Variants in LIN28B observed in about 807,000 individuals in gnomAD.
LIN28B encodes lin-28 RNA binding posttranscriptional regulator B, also known as protein lin-28 homolog B.
Under a neutral mutation model 21.9 loss-of-function variants are expected in LIN28B, and 5 were observed. That is an observed-to-expected ratio of 0.23 (90% CI 0.12 to 0.48). LIN28B has a LOEUF of 0.48. LIN28B is among the 20% of genes least tolerant of loss of function. LIN28B has a pLI of 0.98. For synonymous variants in LIN28B, 109 were observed against 111.3 expected (o/e 0.98, Z 0.13); for missense variants, 245 against 310.5 (o/e 0.79, Z 1.58).
At chr6:105,009,936 T>G (rs955607506) in intron 2 of LIN28B, among the ~76,000 whole-genome samples, 1 of 152,192 alleles carries the variant, frequency 6.6e-6, no homozygotes, top group Non-Finnish European at 1.5e-5. Flanking sequence ...CATATTCATA[T>G]TCATTTCCTC....
intron 2 of LIN28B, among the ~76,000 whole-genome samples, chr6:104,966,643 A>G (rs1254224738): frequency 1.0e-4 from 14 of 134,150 alleles, no homozygotes; most frequent in African/African-American, 2.6e-4. Context: ...TTTTTTTGAG[A>G]CAGAGTCTCG....
rs56179020 is a variant in LIN28B at position 105,017,072 on chromosome 6, C to CA, written c.199-9205dup. 4.0e-3 allele frequency among the ~76,000 whole-genome samples: 341 copies of CA among 85,896 alleles called. 2 individuals are homozygous for CA. The highest frequency in any genetic ancestry group is 6.1e-3 in the African/African-American group (136 of 22,124). The allele number at this position is 85,896 out of a possible 152,430, so 56.4% of individuals were successfully genotyped here. A position where few individuals can be genotyped will look rare whatever the true frequency, so the allele number is the denominator to read the frequency against. On this transcript the variant is annotated intron_variant, in intron 2 of 3. Transcript: ENST00000345080. Reference sequence around the variant, plus strand: ...TGAGTGACAAAGCAAGACTCTGTCTCAAAAAAAAAAAAAAAAAAAAAGAAA... The same window carrying CA: ...TGAGTGACAAAGCAAGACTCTGTCTCAAAAAAAAAAAAAAAAAAAAAAGAAA...
chr6:105,008,870 A>G (rs1406818241), intron 2 of LIN28B, among the ~76,000 whole-genome samples: 1 of 152,188 alleles, frequency 6.6e-6, no homozygotes, highest in Non-Finnish European at 1.5e-5. Flanking sequence ...AACCACTTCT[A>G]GCTCTAAGGG....
Position 104,991,008 on chromosome 6 carries a change from CA to C in LIN28B, c.198+32723del, listed in dbSNP as rs569732963. On this transcript the variant is annotated intron_variant, in intron 2 of 3. Coordinates refer to ENST00000345080, the MANE Select transcript of LIN28B (RefSeq NM_001004317.4). ...ATCTGATTTCTCTATCTTTTCCCCACATTTCCCCGTTTTCTATTCGACAAAA... is the reference window on the plus strand; with the variant it reads ...ATCTGATTTCTCTATCTTTTCCCCACTTTCCCCGTTTTCTATTCGACAAAA... Among the ~76,000 whole-genome samples the C allele has an allele frequency of 9.8e-5, 15 of 152,366 alleles. No individual in the cohort carries two copies. The South Asian group carries it at 2.7e-3, about 27-fold the overall frequency.
At chr6:105,006,701 G>A (rs1326835914) in intron 2 of LIN28B, among the ~76,000 whole-genome samples, 1 of 152,138 alleles carries the variant, frequency 6.6e-6, no homozygotes, top group African/African-American at 2.4e-5. Context: ...TGTTCAGTGT[G>A]GTCTGCAGAG....
intron 3 of LIN28B, among the ~76,000 whole-genome samples, chr6:105,049,231 CT>C (rs1422523470): frequency 6.6e-6 from 1 of 152,148 alleles, no homozygotes; most frequent in Non-Finnish European, 1.5e-5. Flanking sequence ...CAAAGAGCAT[CT>C]TTATTTCTGC....
intron 2 of LIN28B, among the ~76,000 whole-genome samples, chr6:105,020,836 T>C (rs1771125316): frequency 6.9e-6 from 1 of 144,782 alleles, no homozygotes; most frequent in African/African-American, 2.6e-5. Flanking sequence ...CACTGCAAGC[T>C]ACTCCTCCTG....
intron 2 of LIN28B, among the ~76,000 whole-genome samples, chr6:104,987,933 G>A (rs1166934515): frequency 1.3e-5 from 2 of 151,980 alleles, no homozygotes; most frequent in Non-Finnish European, 1.5e-5. Flanking sequence ...TAGTAGAGAT[G>A]GGGTTTCACC....
chr6:105,028,299 A>G (rs1260472735), intron 3 of LIN28B, among the ~76,000 whole-genome samples: 1 of 152,188 alleles, frequency 6.6e-6, no homozygotes, highest in East Asian at 1.9e-4. Flanking sequence ...AGAAAATAGG[A>G]AGTCATTGGG....
intron 2 of LIN28B, among the ~76,000 whole-genome samples, chr6:104,969,087 A>T (rs1562075855): frequency 9.9e-5 from 15 of 151,288 alleles, no homozygotes; most frequent in Non-Finnish European, 1.5e-5. Context: ...TAAGCCATAC[A>T]TTTTTTTTTA....
At chr6:104,994,061 G>A (rs961140332) in intron 2 of LIN28B, among the ~76,000 whole-genome samples, 1 of 152,100 alleles carries the variant, frequency 6.6e-6, no homozygotes, top group African/African-American at 2.4e-5. Flanking sequence ...CTGGAGGGCA[G>A]TGGCGCAATC....
chr6:105,047,887 A>G (rs970096024), intron 3 of LIN28B, among the ~76,000 whole-genome samples: 23 of 152,168 alleles, frequency 1.5e-4, no homozygotes, highest in Non-Finnish European at 1.6e-4. Flanking sequence ...AGACTTTGCC[A>G]AATTTGCTTA....
chr6:104,958,024 A>AT, intron 1 of LIN28B, 75 bp from the exon 2 acceptor site: 4 of 1,027,168 alleles, frequency 3.9e-6, no homozygotes, highest in Non-Finnish European at 5.3e-6. Context: ...CCAGGCAGGC[A>AT]ATTTTTTTTT....
chr6:105,064,688 C>G (rs984989408), intron 3 of LIN28B, among the ~76,000 whole-genome samples: 44 of 152,180 alleles, frequency 2.9e-4, no homozygotes, highest in African/African-American at 7.9e-4. Flanking sequence ...GAATAAAAGG[C>G]TCAAGTATTG....
At chr6:105,018,843 C>A (rs1232284660) in intron 2 of LIN28B, among the ~76,000 whole-genome samples, 6 of 151,964 alleles carry the variant, frequency 3.9e-5, no homozygotes, top group Non-Finnish European at 7.4e-5. Context: ...TGTTTAAAAT[C>A]TTTTATTGAT....
chr6:105,052,522 C>T (rs568120257), intron 3 of LIN28B, among the ~76,000 whole-genome samples: 32 of 152,180 alleles, frequency 2.1e-4, no homozygotes, highest in African/African-American at 7.7e-4. Flanking sequence ...AGGATAATAA[C>T]ATTAATCCAT....
At position 104,997,654 on chromosome 6, in the gene LIN28B, G is replaced by A. The variant is rs148277168; in HGVS notation, c.199-28644G>A. Among the ~76,000 whole-genome samples, 19 of 151,408 alleles carry A rather than the reference G, an allele frequency of 1.3e-4. No individual in the cohort carries two copies. The East Asian group carries it at 3.7e-3, about 30-fold the overall frequency. ...TTTCAGGTTGAGAGGTTTGACATTTGGTGATGATGATAGAGAATAATGATG... is the reference window on the plus strand; with the variant it reads ...TTTCAGGTTGAGAGGTTTGACATTTAGTGATGATGATAGAGAATAATGATG... On this transcript the variant is annotated intron_variant, in intron 2 of 3. Coordinates refer to ENST00000345080, the MANE Select transcript of LIN28B (RefSeq NM_001004317.4).
intron 2 of LIN28B, among the ~76,000 whole-genome samples, chr6:105,024,659 A>G (rs1040089610): frequency 1.3e-5 from 2 of 152,206 alleles, no homozygotes; most frequent in Non-Finnish European, 2.9e-5. Context: ...GAAAGATTTC[A>G]CTATGCCAGG....
At chr6:104,977,341 C>CT (rs759328866) in intron 2 of LIN28B, among the ~76,000 whole-genome samples, 5 of 152,170 alleles carry the variant, frequency 3.3e-5, no homozygotes, top group Non-Finnish European at 5.9e-5. Context: ...CCTTCAGAAC[C>CT]TCGCCCCAAA....
Sources: allele counts gnomAD v4.1 joint callset (sites outside exome capture counted in the v4.1 genomes callset), GRCh38; gene constraint gnomAD v4.1.1; transcripts MANE v1.5; gene names NCBI Gene and HGNC (gene_info 2026-07-23, HGNC 2026-07-21).